Variants in CLIP2 observed in about 807,000 individuals in gnomAD.
The protein encoded by CLIP2 is CAP-Gly domain containing linker protein 2.
In CLIP2, 41 loss-of-function variants were observed where a neutral mutation model predicts 111.7. The observed-to-expected ratio is 0.37, with a 90% CI of 0.29 to 0.48. The LOEUF is 0.48. Among genes scored for constraint, CLIP2 ranks in the 20% least tolerant of loss-of-function variants. The pLI is 0.99. For synonymous variants in CLIP2, 660 were observed against 644.2 expected, an observed-to-expected ratio of 1.02 and a Z score of -0.37; for missense variants, 1,160 against 1,422.1, an observed-to-expected ratio of 0.82 and a Z score of 2.96.
chr7:74,308,644 A>G lies in CLIP2; in HGVS notation c.-67-8836A>G, dbSNP rs1788558979. On this transcript the variant is annotated intron_variant, in intron 1 of 16. Transcript: ENST00000223398. ...CTCCACCTCCCAAGTAGCTGGAACT[A>G]CAGGTGTGTGCCACCACGCCCAGCT... is the stretch of plus-strand genomic sequence containing the variant. 2.6e-5 allele frequency among the ~76,000 whole-genome samples: 4 copies of G among 152,138 alleles called. No individual in the cohort carries two copies. In the South Asian group the frequency reaches 6.2e-4, roughly 24 times the overall value.
At chr7:74,385,740 T>C (rs1182191791) in intron 11 of CLIP2, among the ~76,000 whole-genome samples, 23 of 73,176 alleles carry the variant, frequency 3.1e-4, no homozygotes, top group Admixed American at 2.3e-3. Flanking sequence ...GGGTCTTCTT[T>C]TTTTTTTTTT....
chr7:74,312,167 T>G (rs1564031310), intron 1 of CLIP2, among the ~76,000 whole-genome samples: 1 of 152,172 alleles, frequency 6.6e-6, no homozygotes, highest in Non-Finnish European at 1.5e-5. Context: ...GAGAATCACT[T>G]GAACCTGGGA....
intron 8 of CLIP2, among the ~76,000 whole-genome samples, chr7:74,365,423 G>C (rs1289140874): frequency 6.6e-6 from 1 of 152,160 alleles, no homozygotes; most frequent in Non-Finnish European, 1.5e-5. Flanking sequence ...CTGTGTCTGA[G>C]GTCAGGCTCC....
At chr7:74,336,013 ATT>A (rs1789443619) in intron 2 of CLIP2, among the ~76,000 whole-genome samples, 1 of 26,562 alleles carries the variant, frequency 3.8e-5, no homozygotes, top group Non-Finnish European at 2.1e-4. Flanking sequence ...AAGTGCTGGG[ATT>A]ACAGGCGTAA....
intron 14 of CLIP2, among the ~76,000 whole-genome samples, chr7:74,399,461 C>G (rs1488136409): frequency 6.7e-6 from 1 of 148,334 alleles, no homozygotes; most frequent in African/African-American, 2.5e-5. Flanking sequence ...TCACTTGAGC[C>G]CAGGAATTGG....
chr7:74,359,498 A>C (rs544417011), intron 6 of CLIP2, among the ~76,000 whole-genome samples: 285 of 148,408 alleles, frequency 1.9e-3, no homozygotes, highest in Non-Finnish European at 3.0e-3. Context: ...GGACTACAGG[A>C]GCCCACCACC....
intron 1 of CLIP2, among the ~76,000 whole-genome samples, chr7:74,315,204 A>AGGT (rs1399133618): frequency 2.0e-5 from 3 of 152,088 alleles, no homozygotes; most frequent in African/African-American, 7.2e-5. Flanking sequence ...TGAACCTGGG[A>AGGT]GGTGGAGGTT....
rs1290069889 is a variant in CLIP2, at chr7:74,400,279, G to A, written c.2881-91G>A. ...CAGGCTTGGAACCCAGAGACAAAGT[G>A]AGGCTGGAAGACTTTCCTGCCTAGA... On this transcript the variant is annotated intron_variant, in intron 14 of 16. Coordinates refer to ENST00000223398, the MANE Select transcript of CLIP2 (RefSeq NM_003388.5). The A allele has an allele frequency of 7.0e-6, 8 of 1,145,268 alleles. No individual in the cohort carries two copies. The Admixed American group carries it at 1.6e-4, about 24-fold the overall frequency. The allele number at this position is 1,145,268 out of a possible 1,614,324, so 70.9% of individuals were successfully genotyped here.
At chr7:74,329,257 C>T (rs930913647) in intron 2 of CLIP2, among the ~76,000 whole-genome samples, 11 of 151,726 alleles carry the variant, frequency 7.2e-5, no homozygotes, top group African/African-American at 2.4e-4. Flanking sequence ...GACAAAGTCT[C>T]GCTATGTTGC....
intron 3 of CLIP2, among the ~76,000 whole-genome samples, chr7:74,345,408 A>T (rs1033224481): frequency 6.6e-6 from 1 of 151,548 alleles, no homozygotes; most frequent in East Asian, 2.0e-4. Context: ...TAATTTTTGT[A>T]TTTTTTAGTG....
intron 13 of CLIP2, among the ~76,000 whole-genome samples, chr7:74,390,119 GAA>G (rs1167680246): frequency 9.4e-6 from 1 of 106,196 alleles, no homozygotes; most frequent in Non-Finnish European, 1.9e-5. Flanking sequence ...AAGAAAGAAA[GAA>G]AAGAGAGAGA....
At position 74,338,812 on chromosome 7, in the gene CLIP2, G is replaced by T. The variant is rs781911130; in HGVS notation, c.486G>T (p.Glu162Asp). The change falls in exon 3 of 17, where the codon GAG becomes GAT. Residue 162 changes from glutamate to aspartate, a missense_variant. Around this residue, in one of 5 missense-constraint regions of CLIP2, gnomAD observed 301 missense variants for 315.2 expected, o/e 0.96. Transcript: ENST00000223398. This position sits in a 1 kb window ranked among gnomAD's most constrained non-coding sequence, Gnocchi z 4.3. ...CGGGGAGTGATGCCCACTCCGTGGA[G>T]TCGCTGACTGCCCAGAACCTGTCAT... ...EGSGSDAHSVESLTAQNLSLH... is the reference protein window; with the variant it reads ...EGSGSDAHSVDSLTAQNLSLH... 9 of 1,611,204 alleles carry T rather than the reference G, an allele frequency of 5.6e-6. No individual in the cohort carries two copies. Among genetic ancestry groups the T allele is most frequent in the South Asian group, 1.1e-5 (1 of 91,076 alleles).
chr7:74,311,259 A>G (rs1788634785), intron 1 of CLIP2, among the ~76,000 whole-genome samples: 1 of 152,154 alleles, frequency 6.6e-6, no homozygotes, highest in Non-Finnish European at 1.5e-5. Flanking sequence ...GATTACAGGC[A>G]TGAGCCACTG....
At chr7:74,312,360 G>A (rs559263459) in intron 1 of CLIP2, among the ~76,000 whole-genome samples, 25 of 152,214 alleles carry the variant, frequency 1.6e-4, no homozygotes, top group African/African-American at 5.8e-4. Flanking sequence ...GTCAGGAGGC[G>A]GAGGGAGTTC....
At chr7:74,352,293 CG>C (rs1349858833) in intron 3 of CLIP2, among the ~76,000 whole-genome samples, 1 of 151,894 alleles carries the variant, frequency 6.6e-6, no homozygotes, top group Non-Finnish European at 1.5e-5. Context: ...AAAAATTAGC[CG>C]GGCATGGTGG....
rs193158278 is a variant in CLIP2, at chr7:74,312,718, A to G, written c.-67-4762A>G. ...TTCCCGGGGCACCAGGGGCGTTGGA[A>G]TGTTGGATTTAGCAGCCCTGAGGGC... On this transcript the variant is annotated intron_variant, in intron 1 of 16. Transcript: ENST00000223398. Among the ~76,000 whole-genome samples the G allele has an allele frequency of 5.0e-3, 763 of 152,086 alleles. 3 individuals carry two copies. Among genetic ancestry groups the G allele is most frequent in the Non-Finnish European group, 8.1e-3 (547 of 67,948 alleles).
chr7:74,334,612 T>C (rs1789396764), intron 2 of CLIP2, among the ~76,000 whole-genome samples: 1 of 152,104 alleles, frequency 6.6e-6, no homozygotes, highest in Non-Finnish European at 1.5e-5. Context: ...TCTCTCTGCA[T>C]AGGAAAGTGC....
intron 13 of CLIP2, among the ~76,000 whole-genome samples, chr7:74,390,115 G>GA (rs1791232089): frequency 6.1e-5 from 7 of 113,912 alleles, no homozygotes; most frequent in African/African-American, 2.2e-4. Flanking sequence ...AAGAAAGAAA[G>GA]AAAGAAAAGA....
In CLIP2 at chr7:74,386,542, A is replaced by G. The variant is rs1554314823; in HGVS notation, c.2501A>G (p.Lys834Arg). 1 of 1,611,004 alleles carries G rather than the reference A, an allele frequency of 6.2e-7. No individual in the cohort carries two copies. Among genetic ancestry groups the G allele is most frequent in the Non-Finnish European group, 8.5e-7 (1 of 1,178,730 alleles). Reference sequence around the variant, plus strand: ...CTAGGCCTGCAGGACAAGCTGAACAAGAGGGACAAAGAGGTGACAGCCTTG... The same window carrying G: ...CTAGGCCTGCAGGACAAGCTGAACAGGAGGGACAAAGAGGTGACAGCCTTG... ...TVEGLQDKLNKRDKEVTALTS... is the reference protein window; with the variant it reads ...TVEGLQDKLNRRDKEVTALTS... The change falls in exon 12 of 17, where the codon AAG becomes AGG. Residue 834 changes from lysine to arginine, a missense_variant. Physicochemically the swap from Lys to Arg is conservative, Grantham distance 26. This residue lies in a region of CLIP2 where 676 missense variants were observed against 777.8 expected (regional missense o/e 0.87). Transcript: ENST00000223398.
Sources: gnomAD v4.1 joint callset for allele counts (sites outside exome capture counted in the v4.1 genomes callset) on GRCh38, gnomAD v4.1.1 for gene constraint, gnomAD v4.1.1 regional missense constraint, Gnocchi (gnomAD v3.1) non-coding constraint, MANE v1.5 for transcripts, NCBI Gene and HGNC (gene_info 2026-07-23, HGNC 2026-07-21) for gene names.